The following USP14 variants were observed in gnomAD, a reference collection of about 807,000 sequenced individuals.
The protein encoded by USP14 is ubiquitin specific peptidase 14.
In USP14, 38 loss-of-function variants were observed where a neutral mutation model predicts 76.5. That is an observed-to-expected ratio of 0.50 (90% confidence interval 0.38 to 0.65). The LOEUF (loss-of-function observed/expected upper bound fraction) is 0.65, where lower values mean the gene tolerates loss of function less well. Among genes scored for constraint, USP14 ranks in the 30% least tolerant of loss-of-function variants. The pLI is 0.00. For missense variants in USP14, 467 were observed against 586.5 expected, an observed-to-expected ratio of 0.80 and a Z score of 2.10; for synonymous variants, 192 against 191.7, an observed-to-expected ratio of 1.00 and a Z score of -0.01.
intron 13 of USP14, among the ~76,000 whole-genome samples, chr18:207,245 A>C (rs200851217): frequency 6.9e-6 from 1 of 144,968 alleles, no homozygotes; most frequent in African/African-American, 2.5e-5. Flanking sequence ...GAAATTGTGA[A>C]GTATCAGCCT....
intron 5 of USP14, among the ~76,000 whole-genome samples, chr18:188,091 G>T (rs1909982233): frequency 6.6e-6 from 1 of 151,946 alleles, no homozygotes; most frequent in South Asian, 2.1e-4. Flanking sequence ...TCTTGTTTTT[G>T]ATTTTAATAG....
In USP14 at chr18:214,434, C is replaced by CATT; in HGVS notation, c.*3153_*3155dup. 9.1e-6 allele frequency: 5 copies of CATT among 551,106 alleles called. No individual in the cohort carries two copies. Among genetic ancestry groups the CATT allele is most frequent in the Non-Finnish European group, 1.6e-5 (5 of 314,334 alleles). The allele number at this position is 551,106 out of a possible 1,614,324, so 34.1% of individuals were successfully genotyped here. On this transcript the variant is annotated 3_prime_UTR_variant, in exon 16 of 16. Transcript: ENST00000261601. ...GATCTTGAGGTCACTTCGTTTAGGT[C>CATT]ATTATCTCAACCCAACCTCCCCAAA...
chr18:211,411 GAC>G lies in USP14; in HGVS notation c.*129_*130del. The G allele has an allele frequency of 1.0e-6, 1 of 955,564 alleles. No homozygotes were observed. Among genetic ancestry groups the G allele is most frequent in the Non-Finnish European group, 1.5e-6 (1 of 664,972 alleles). 59.2% of individuals were successfully genotyped at this position (955,564 alleles called of 1,614,324 possible). On this transcript the variant is annotated 3_prime_UTR_variant, in exon 16 of 16. Coordinates refer to ENST00000261601, the MANE Select transcript of USP14 (RefSeq NM_005151.4). ...TTTCACCTCATTTGGAACAAAAGAG[GAC>G]AGAAGCAGACCACTCTGTGCACCAA...
At position 158,664 on chromosome 18, in the gene USP14, C is replaced by T. The variant is rs1163809668; in HGVS notation, c.-35C>T. The T allele has an allele frequency of 5.9e-6, 9 of 1,519,820 alleles. No individual in the cohort carries two copies. The highest frequency in any genetic ancestry group is 7.0e-6 in the Non-Finnish European group (8 of 1,141,476). The allele number at this position is 1,519,820 out of a possible 1,614,324, so 94.1% of individuals were successfully genotyped here. A position where few individuals can be genotyped will look rare whatever the true frequency, so the allele number is the denominator to read the frequency against. On this transcript the variant is annotated 5_prime_UTR_variant, in exon 1 of 16. Coordinates refer to ENST00000261601, the MANE Select transcript of USP14 (RefSeq NM_005151.4). ...CCTTTGCCGCCCTCGTCAGGCCCAG[C>T]TCTCCTGCGCCGCCGCCTCCCGCCG...
In USP14 at chr18:211,291, T is replaced by C. The variant is rs745698707; in HGVS notation, c.*7T>C. The C allele has an allele frequency of 1.2e-6, 2 of 1,600,506 alleles. No individual in the cohort carries two copies. The highest frequency in any genetic ancestry group is 1.7e-6 in the Non-Finnish European group (2 of 1,171,498). ...AGAGGAAAGTGAACAGTAATCTTCA[T>C]TTTAGTATTTATGCTTAGATGTGAA... On this transcript the variant is annotated 3_prime_UTR_variant, in exon 16 of 16. Transcript: ENST00000261601.
At chr18:168,724 T>C (rs77381524) in intron 3 of USP14, among the ~76,000 whole-genome samples, 8,888 of 151,916 alleles carry the variant, frequency 0.059, 613 homozygotes, top group East Asian at 0.31. Context: ...CGTGAGCCAC[T>C]GTGCCAGGCC....
intron 13 of USP14, among the ~76,000 whole-genome samples, chr18:208,072 G>T (rs1449518122): frequency 6.6e-6 from 1 of 151,576 alleles, no homozygotes; most frequent in Non-Finnish European, 1.5e-5. Context: ...ACTTTCAGGA[G>T]TTTTATTTGT....
intron 4 of USP14, among the ~76,000 whole-genome samples, chr18:179,630 C>G (rs1179431231): frequency 6.8e-6 from 1 of 147,824 alleles, no homozygotes; most frequent in East Asian, 1.9e-4. Context: ...CTCTGTCACC[C>G]CGGCTGGAGT....
At chr18:198,445 A>T (rs1910300606) in intron 9 of USP14, among the ~76,000 whole-genome samples, 1 of 152,180 alleles carries the variant, frequency 6.6e-6, no homozygotes, top group Non-Finnish European at 1.5e-5. Flanking sequence ...CCTCTTGGTC[A>T]GGCTGGTATT....
chr18:210,003 TAAG>T lies in USP14; in HGVS notation c.1198_1200del (p.Lys400del), dbSNP rs747472995. On this transcript the variant is annotated inframe_deletion, in exon 14 of 16. Transcript: ENST00000261601. Reference sequence around the variant, plus strand: ...AAAAGAGTAGTCCCCAGAAAGAAGTTAAGTATGAACCCTTTTCTTTTGCTGATG... The same window carrying T: ...AAAAGAGTAGTCCCCAGAAAGAAGTTTATGAACCCTTTTCTTTTGCTGATG... The T allele has an allele frequency of 3.7e-6, 6 of 1,608,076 alleles. No homozygotes were observed. In the East Asian group the frequency reaches 1.3e-4, roughly 36 times the overall value.
At chr18:190,742 T>G (rs959745207) in intron 5 of USP14, among the ~76,000 whole-genome samples, 2 of 152,148 alleles carry the variant, frequency 1.3e-5, no homozygotes, top group African/African-American at 4.8e-5. Context: ...TACTTTTTAT[T>G]TATTGACTTG....
chr18:198,057 C>T lies in USP14; in HGVS notation c.686C>T (p.Ser229Leu). The change falls in exon 9 of 16, where the codon TCA (serine) becomes TTA (leucine). Residue 229 changes from serine to leucine, a missense_variant. Ser to Leu is a moderately radical substitution (Grantham distance 145, BLOSUM62 -2). Coordinates refer to ENST00000261601, the MANE Select transcript of USP14 (RefSeq NM_005151.4). Reference protein sequence around the residue: ...EDDSVKETDSSSASAATPSKK... With the variant: ...EDDSVKETDSLSASAATPSKK... ...TTTTAATTTTTGCAGACAGACTCCT[C>T]ATCTGCATCGGCAGCGACACCTTCT... 2 of 1,609,266 alleles carry T rather than the reference C, an allele frequency of 1.2e-6. No homozygotes were observed. The highest frequency in any genetic ancestry group is 1.1e-5 in the South Asian group (1 of 90,116).
In USP14 at chr18:204,816, T is replaced by TACAAAAA. The variant is rs57035428; in HGVS notation, c.1164+124_1164+125insACAAAAA. 9.7e-4 allele frequency: 1,096 copies of TACAAAAA among 1,133,240 alleles called. 13 individuals carry two copies. In the African/African-American group the frequency reaches 0.017, roughly 17 times the overall value. The allele number at this position is 1,133,240 out of a possible 1,614,324, so 70.2% of individuals were successfully genotyped here. ...AGAACTATACTTTGTATAGTATTAT[T>TACAAAAA]TGGATCAATCTGTATTACAATTAGC... On this transcript the variant is annotated intron_variant, in intron 13 of 15. Coordinates refer to ENST00000261601, the MANE Select transcript of USP14 (RefSeq NM_005151.4).
chr18:161,319 G>A (rs1261521696), intron 1 of USP14, among the ~76,000 whole-genome samples: 1 of 152,096 alleles, frequency 6.6e-6, no homozygotes, highest in Non-Finnish European at 1.5e-5. Context: ...CTTCACTCTG[G>A]TAATTAATTA....
chr18:196,216 C>G (rs1228697985), intron 6 of USP14, among the ~76,000 whole-genome samples: 2 of 151,888 alleles, frequency 1.3e-5, no homozygotes, highest in African/African-American at 4.8e-5. Context: ...CCCAGCTACT[C>G]GGGAGGCCCT....
chr18:205,524 A>G (rs1200138976), intron 13 of USP14, among the ~76,000 whole-genome samples: 1 of 152,186 alleles, frequency 6.6e-6, no homozygotes, highest in Admixed American at 6.5e-5. Flanking sequence ...TAGTAATCCC[A>G]GGACTTTGGG....
chr18:161,772 A>C (rs911061452), intron 1 of USP14, among the ~76,000 whole-genome samples: 1 of 152,214 alleles, frequency 6.6e-6, no homozygotes, highest in Admixed American at 6.5e-5. Flanking sequence ...GAAGGTATAA[A>C]ATTTTCAGTG....
intron 5 of USP14, among the ~76,000 whole-genome samples, chr18:191,571 C>G (rs1267728546): frequency 1.3e-5 from 2 of 152,124 alleles, no homozygotes; most frequent in Admixed American, 6.5e-5. Context: ...TGCCTTTTCT[C>G]AGTTAATCCT....
chr18:197,921 T>C (rs1910282553), intron 8 of USP14, 126 bp from the exon 9 acceptor site: 2 of 841,532 alleles, frequency 2.4e-6, no homozygotes, highest in South Asian at 4.7e-5. Context: ...TGGTAATGTT[T>C]TTTGAAGGAT....
Sources: gnomAD v4.1 joint callset for allele counts (sites outside exome capture counted in the v4.1 genomes callset) on GRCh38, gnomAD v4.1.1 for gene constraint, MANE v1.5 for transcripts, NCBI Gene and HGNC (gene_info 2026-07-23, HGNC 2026-07-21) for gene names.